The following GOLGA4 variants were observed in gnomAD, a reference collection of about 807,000 sequenced individuals.
GOLGA4 encodes golgin A4, also known as golgin subfamily A member 4.
In GOLGA4, 169 loss-of-function variants were observed where a neutral mutation model predicts 265.9. The observed-to-expected ratio is 0.64, with a 90% CI of 0.56 to 0.72. The LOEUF (loss-of-function observed/expected upper bound fraction) is 0.72, where lower values mean the gene tolerates loss of function less well. Among genes scored for constraint, GOLGA4 ranks in the 30% least tolerant of loss-of-function variants. The pLI, the probability that GOLGA4 is intolerant of heterozygous loss-of-function variation, is 0.00. For missense variants in GOLGA4, 2,482 were observed against 2,483.4 expected (o/e 1.00, Z 0.01); for synonymous variants, 923 against 855.8 (o/e 1.08, Z -1.37).
chr3:37,324,541 C>T lies in GOLGA4; in HGVS notation c.2655C>T (p.Thr885=). 1 of 1,613,568 alleles carries T rather than the reference C, an allele frequency of 6.2e-7. No homozygotes were observed. The highest frequency in any genetic ancestry group is 8.5e-7 in the Non-Finnish European group (1 of 1,179,834). The change falls in exon 14 of 24, where the codon ACC becomes ACT. Residue 885 remains threonine (T), a synonymous_variant. Transcript: ENST00000361924. ...TGGAGCAAAAAGTAAAATCTTTAAC[C>T]CAAGTCTATGAGTCCAAACTTGAAG... ...SEMEQKVKSL[T]QVYESKLEDG...
At chr3:37,268,055 TAGAG>T (rs768063285) in intron 2 of GOLGA4, among the ~76,000 whole-genome samples, 15 of 152,232 alleles carry the variant, frequency 9.9e-5, no homozygotes, top group South Asian at 6.2e-4. Flanking sequence ...AAGTCCCAAT[TAGAG>T]AGACTTGTTT....
chr3:37,288,237 G>A (rs1172842900), intron 4 of GOLGA4, among the ~76,000 whole-genome samples: 6 of 151,050 alleles, frequency 4.0e-5, no homozygotes, highest in African/African-American at 1.5e-4. Flanking sequence ...GAGTAGCTGG[G>A]ACTACAGGCA....
intron 2 of GOLGA4, among the ~76,000 whole-genome samples, chr3:37,259,998 C>G (rs2096764903): frequency 6.6e-6 from 1 of 152,130 alleles, no homozygotes; most frequent in African/African-American, 2.4e-5. Context: ...CCTGCTGCTA[C>G]TGTAAACCAT....
chr3:37,253,053 A>C (rs1231512067), intron 2 of GOLGA4, among the ~76,000 whole-genome samples: 1 of 152,142 alleles, frequency 6.6e-6, no homozygotes, highest in African/African-American at 2.4e-5. Context: ...GTTTGAGACC[A>C]GCCTGGGCAA....
At position 37,299,853 on chromosome 3, in the gene GOLGA4, C is replaced by A. The variant is rs1191395917; in HGVS notation, c.1086+482C>A. Among the ~76,000 whole-genome samples the A allele has an allele frequency of 3.4e-5, 5 of 146,596 alleles. No individual in the cohort carries two copies. In the East Asian group the frequency reaches 8.0e-4, roughly 24 times the overall value. ...TTGCTTGAAGCCAGAAGTTCAAGAT[C>A]AACCTGGGCAGTAAAGCAAGACCTC... On this transcript the variant is annotated intron_variant, in intron 9 of 23. Coordinates refer to ENST00000361924, the MANE Select transcript of GOLGA4 (RefSeq NM_002078.5).
At chr3:37,347,580 G>A (rs1463924020) in intron 21 of GOLGA4, among the ~76,000 whole-genome samples, 1 of 151,842 alleles carries the variant, frequency 6.6e-6, no homozygotes, top group African/African-American at 2.4e-5. Context: ...TGAACCATGT[G>A]GCTTTTTTTC....
chr3:37,330,514 G>A (rs542592441), intron 16 of GOLGA4, among the ~76,000 whole-genome samples: 1 of 152,190 alleles, frequency 6.6e-6, no homozygotes, highest in Non-Finnish European at 1.5e-5. Context: ...CTTTTAGGTA[G>A]AAGGGTGAGG....
intron 11 of GOLGA4, 127 bp downstream of exon 11, chr3:37,315,725 A>G: frequency 2.4e-6 from 2 of 816,650 alleles, no homozygotes; most frequent in South Asian, 1.7e-5. Context: ...TCTGATATTC[A>G]GGTTGTAAAA....
intron 10 of GOLGA4, among the ~76,000 whole-genome samples, chr3:37,312,367 G>A (rs138107728): frequency 2.0e-4 from 31 of 151,980 alleles, no homozygotes; most frequent in African/African-American, 6.5e-4. Context: ...AGTAGTAAGC[G>A]TTCATTATTT....
chr3:37,298,663 C>T (rs2096884796), intron 7 of GOLGA4, among the ~76,000 whole-genome samples, 170 bp from the exon 8 acceptor site: 1 of 152,158 alleles, frequency 6.6e-6, no homozygotes, highest in African/African-American at 2.4e-5. Context: ...AAACTAAGTT[C>T]TCCCAAAGTT....
intron 2 of GOLGA4, among the ~76,000 whole-genome samples, chr3:37,266,316 C>T (rs1165426694): frequency 6.6e-6 from 1 of 152,110 alleles, no homozygotes; most frequent in Non-Finnish European, 1.5e-5. Flanking sequence ...TCTCCTGCCT[C>T]AGCCTCCTGA....
At chr3:37,253,398 A>G (rs1457948394) in intron 2 of GOLGA4, among the ~76,000 whole-genome samples, 4 of 135,504 alleles carry the variant, frequency 3.0e-5, no homozygotes, top group African/African-American at 7.5e-5. Context: ...ACTTAATTAT[A>G]TAATTGAAAA....
intron 5 of GOLGA4, among the ~76,000 whole-genome samples, chr3:37,290,271 C>T (rs905871998): frequency 2.0e-5 from 3 of 151,978 alleles, no homozygotes; most frequent in African/African-American, 7.3e-5. Flanking sequence ...CCGTATTGTC[C>T]CATAGAATAT....
intron 23 of GOLGA4, among the ~76,000 whole-genome samples, chr3:37,363,695 A>G (rs867533431): frequency 1.3e-5 from 2 of 152,190 alleles, no homozygotes; most frequent in African/African-American, 4.8e-5. Context: ...CAGTTATTAC[A>G]CTCAGGAAGT....
At chr3:37,358,465 A>G (rs768156069) in intron 22 of GOLGA4, among the ~76,000 whole-genome samples, 1 of 152,192 alleles carries the variant, frequency 6.6e-6, no homozygotes, top group Non-Finnish European at 1.5e-5. Flanking sequence ...ATTACAGAGC[A>G]TAATTACAGT....
At chr3:37,343,212 C>T (rs1211745765) in intron 20 of GOLGA4, among the ~76,000 whole-genome samples, 1 of 152,262 alleles carries the variant, frequency 6.6e-6, no homozygotes, top group Non-Finnish European at 1.5e-5. Flanking sequence ...ACCTCCACCT[C>T]CCGGGTTCAA....
intron 10 of GOLGA4, among the ~76,000 whole-genome samples, chr3:37,306,525 GTGT>G (rs2096906818): frequency 6.6e-6 from 1 of 151,610 alleles, no homozygotes; most frequent in African/African-American, 2.4e-5. Flanking sequence ...GTGTGTGTGT[GTGT>G]GTGTGTGTGT....
intron 18 of GOLGA4, 32 bp downstream of exon 18, chr3:37,337,195 T>C: frequency 1.7e-6 from 2 of 1,185,656 alleles, no homozygotes; most frequent in Non-Finnish European, 2.4e-6. Context: ...TTTTTTTTCT[T>C]TTTTTTCTTT....
At chr3:37,262,015 C>T (rs1427410285) in intron 2 of GOLGA4, among the ~76,000 whole-genome samples, 1 of 152,044 alleles carries the variant, frequency 6.6e-6, no homozygotes, top group Non-Finnish European at 1.5e-5. Flanking sequence ...AGAAGGCCAC[C>T]AGTAAAAACA....
Sources: allele counts gnomAD v4.1 joint callset (sites outside exome capture counted in the v4.1 genomes callset), GRCh38; gene constraint gnomAD v4.1.1; transcripts MANE v1.5; gene names NCBI Gene and HGNC (gene_info 2026-07-23, HGNC 2026-07-21).